The following TMPRSS11E variants were observed in gnomAD, a reference collection of about 807,000 sequenced individuals.
The protein encoded by TMPRSS11E is transmembrane protease serine 11E.
TMPRSS11E carries 38 observed loss-of-function variants against 48.1 expected under a neutral mutation model. The observed-to-expected ratio is 0.79, with a 90% CI of 0.61 to 1.04. The LOEUF (loss-of-function observed/expected upper bound fraction) is 1.04. Ranked by LOEUF, TMPRSS11E falls within the 50% of genes least tolerant of loss-of-function variation. The pLI is 0.00. For missense variants in TMPRSS11E, 530 were observed against 510.8 expected, an observed-to-expected ratio of 1.04 and a Z score of -0.36; for synonymous variants, 158 against 171.9, an observed-to-expected ratio of 0.92 and a Z score of 0.63.
chr4:68,453,850 C>G (rs1317565058), intron 1 of TMPRSS11E, among the ~76,000 whole-genome samples: 1 of 151,808 alleles, frequency 6.6e-6, no homozygotes, highest in Admixed American at 6.6e-5. Context: ...AATCTAGTCT[C>G]CTACTATTGT....
At chr4:68,479,946 C>T (rs1009299649) in intron 9 of TMPRSS11E, among the ~76,000 whole-genome samples, 4 of 152,066 alleles carry the variant, frequency 2.6e-5, no homozygotes, top group Non-Finnish European at 4.4e-5. Flanking sequence ...TTAGCACTGA[C>T]AGTTCTTTTC....
intron 9 of TMPRSS11E, among the ~76,000 whole-genome samples, chr4:68,489,982 T>C (rs535110603): frequency 1.3e-5 from 2 of 152,118 alleles, no homozygotes; most frequent in African/African-American, 4.8e-5. Context: ...CTCTTTCAAC[T>C]CTCCAGGCTG....
chr4:68,479,183 A>G (rs1007241311), intron 9 of TMPRSS11E, among the ~76,000 whole-genome samples, 192 bp downstream of exon 9: 16 of 152,190 alleles, frequency 1.1e-4, no homozygotes, highest in African/African-American at 3.9e-4. Flanking sequence ...CGTACAAAGT[A>G]TGTGTCTAAT....
chr4:68,475,044 T>C (rs912192762), intron 6 of TMPRSS11E, among the ~76,000 whole-genome samples: 2 of 152,162 alleles, frequency 1.3e-5, no homozygotes, highest in Non-Finnish European at 2.9e-5. Context: ...AATGTTTACT[T>C]ATCAATGTTC....
intron 9 of TMPRSS11E, among the ~76,000 whole-genome samples, chr4:68,491,106 T>C (rs960094328): frequency 1.3e-5 from 2 of 151,924 alleles, no homozygotes; most frequent in South Asian, 2.1e-4. Flanking sequence ...TTGGGCCTTC[T>C]TACAGCCTGG....
intron 2 of TMPRSS11E, 142 bp downstream of exon 2, chr4:68,462,087 T>A (rs1560548936): frequency 9.3e-7 from 1 of 1,073,388 alleles, no homozygotes. Flanking sequence ...ACCTGCTTTC[T>A]CTCTTATTTA....
chr4:68,476,645 A>C (rs1729227781), intron 7 of TMPRSS11E, among the ~76,000 whole-genome samples: 1 of 152,348 alleles, frequency 6.6e-6, no homozygotes, highest in South Asian at 2.1e-4. Flanking sequence ...GTAAATAAAT[A>C]ATCTTTTGAT....
chr4:68,485,509 G>A (rs146435592), intron 9 of TMPRSS11E, among the ~76,000 whole-genome samples: 173 of 152,216 alleles, frequency 1.1e-3, no homozygotes, highest in African/African-American at 4.1e-3. Flanking sequence ...CTACATTACT[G>A]TGGTGGATAA....
chr4:68,450,607 C>A (rs546733688), intron 1 of TMPRSS11E, among the ~76,000 whole-genome samples: 21 of 151,822 alleles, frequency 1.4e-4, no homozygotes, highest in Non-Finnish European at 2.1e-4. Context: ...ATTTAAAAAA[C>A]CAGAAGATGT....
chr4:68,479,105 C>A, intron 9 of TMPRSS11E, 114 bp downstream of exon 9: 1 of 1,230,556 alleles, frequency 8.1e-7, no homozygotes, highest in Non-Finnish European at 1.1e-6. Context: ...CAACATCTCA[C>A]CCAGTTTTCT....
At chr4:68,451,082 A>G (rs908854282) in intron 1 of TMPRSS11E, among the ~76,000 whole-genome samples, 5 of 151,896 alleles carry the variant, frequency 3.3e-5, no homozygotes, top group African/African-American at 1.2e-4. Context: ...GAGATTTATA[A>G]GCATGCCTGA....
At chr4:68,484,648 T>G (rs553037775) in intron 9 of TMPRSS11E, among the ~76,000 whole-genome samples, 1 of 152,292 alleles carries the variant, frequency 6.6e-6, no homozygotes, top group East Asian at 1.9e-4. Flanking sequence ...TAATTCTCAT[T>G]GTAGAGGTCC....
intron 1 of TMPRSS11E, among the ~76,000 whole-genome samples, chr4:68,459,315 T>G (rs1728723573): frequency 6.6e-6 from 1 of 152,102 alleles, no homozygotes; most frequent in African/African-American, 2.4e-5. Context: ...CCTTAGTTTT[T>G]TTTTCATATT....
At chr4:68,465,507 A>G (rs35183647) in intron 2 of TMPRSS11E, among the ~76,000 whole-genome samples, 28,052 of 152,194 alleles carry the variant, frequency 0.18, 2,913 homozygotes, top group Admixed American at 0.26. Flanking sequence ...AGTCTTGGCT[A>G]TGTCCTGCTG....
intron 4 of TMPRSS11E, among the ~76,000 whole-genome samples, chr4:68,470,374 T>C (rs1452078517): frequency 6.6e-6 from 1 of 151,322 alleles, no homozygotes; most frequent in Non-Finnish European, 1.5e-5. Context: ...TCAAAGAGAG[T>C]GTGGTCGGCA....
At chr4:68,475,518 A>G (rs71193519) in intron 6 of TMPRSS11E, among the ~76,000 whole-genome samples, 8,203 of 152,252 alleles carry the variant, frequency 0.054, 282 homozygotes, top group South Asian at 0.08. Context: ...ATATATTCTC[A>G]CCACCAATAT....
intron 1 of TMPRSS11E, among the ~76,000 whole-genome samples, chr4:68,460,527 C>T (rs1578133762): frequency 1.3e-5 from 2 of 152,254 alleles, no homozygotes; most frequent in Admixed American, 1.3e-4. Context: ...TTAGAATTCT[C>T]CTTATTCTGA....
intron 2 of TMPRSS11E, among the ~76,000 whole-genome samples, chr4:68,465,679 G>A (rs1461263926): frequency 1.3e-5 from 2 of 152,068 alleles, no homozygotes; most frequent in African/African-American, 2.4e-5. Flanking sequence ...AAGTGAAGAG[G>A]GAAAGAATAG....
intron 1 of TMPRSS11E, among the ~76,000 whole-genome samples, chr4:68,458,806 T>C (rs1728707293): frequency 1.3e-5 from 2 of 152,088 alleles, no homozygotes; most frequent in Non-Finnish European, 2.9e-5. Context: ...GAACAAATAA[T>C]GTTTCAAGTG....
Sources: allele counts gnomAD v4.1 joint callset (sites outside exome capture counted in the v4.1 genomes callset), GRCh38; gene constraint gnomAD v4.1.1; transcripts MANE v1.5; gene names NCBI Gene and HGNC (gene_info 2026-07-23, HGNC 2026-07-21).